The following TIMM44 variants were observed in gnomAD, a reference collection of about 807,000 sequenced individuals.
TIMM44 encodes the protein mitochondrial import inner membrane translocase subunit TIM44.
A neutral mutation model predicts 63.8 loss-of-function variants in TIMM44; 37 were observed. The observed-to-expected ratio is 0.58, with a 90% CI of 0.45 to 0.76. The LOEUF (loss-of-function observed/expected upper bound fraction) is 0.76. TIMM44 is among the 30% of genes least tolerant of loss of function. TIMM44 has a pLI of 0.00. For missense variants in TIMM44, 573 were observed against 603.8 expected (o/e 0.95, Z 0.54); for synonymous variants, 239 against 245.1 (o/e 0.98, Z 0.23).
intron 3 of TIMM44, 192 bp from the exon 4 acceptor site, chr19:7,935,337 G>C: frequency 1.7e-6 from 1 of 582,584 alleles, no homozygotes; most frequent in South Asian, 2.0e-5. Context: ...GCTAATTTTT[G>C]TATTTTCAGT....
Position 7,943,540 on chromosome 19 carries a change from A to C in TIMM44, c.45+67T>G. 2.6e-6 allele frequency: 4 copies of C among 1,524,602 alleles called. No individual in the cohort carries two copies. Among genetic ancestry groups the C allele is most frequent in the Non-Finnish European group, 2.6e-6 (3 of 1,132,146 alleles). 94.4% of individuals were successfully genotyped at this position (1,524,602 alleles called of 1,614,324 possible). A position where few individuals can be genotyped will look rare whatever the true frequency, so the allele number is the denominator to read the frequency against. On this transcript the variant is annotated intron_variant, in intron 1 of 12. Coordinates refer to ENST00000270538, the MANE Select transcript of TIMM44 (RefSeq NM_006351.4). The surrounding 1 kb of genome is among the most constrained non-coding windows in gnomAD (Gnocchi z 4.3). ...CGCGAAGGCCAAGGGTCTGAGAAGA[A>C]AGCCTTGGTGGCCGAAGGCCCAGAA... is the stretch of plus-strand genomic sequence containing the variant.
chr19:7,928,476 G>T, intron 10 of TIMM44: 1 of 411,984 alleles, frequency 2.4e-6, no homozygotes, highest in East Asian at 4.6e-5. Flanking sequence ...CGGCCCCTTG[G>T]CTGATCTTTA....
intron 9 of TIMM44, chr19:7,932,213 C>A: frequency 4.1e-6 from 1 of 244,032 alleles, no homozygotes; most frequent in East Asian, 1.1e-4. Context: ...AGGGACAGCA[C>A]CGTGAGGGAA....
At position 7,934,168 on chromosome 19, in the gene TIMM44, G is replaced by A. The variant is rs560497567; in HGVS notation, c.464C>T (p.Thr155Met). 73 of 1,613,562 alleles carry A rather than the reference G, an allele frequency of 4.5e-5. No individual in the cohort carries two copies. Among genetic ancestry groups the A allele is most frequent in the Non-Finnish European group, 5.7e-5 (67 of 1,180,002 alleles). The change falls in exon 5 of 13, where the codon ACG becomes ATG. Residue 155 changes from threonine to methionine, a missense_variant. Physicochemically the swap from Thr to Met is moderately conservative, Grantham distance 81. Coordinates refer to ENST00000270538, the MANE Select transcript of TIMM44 (RefSeq NM_006351.4). This position sits in a 1 kb window ranked among gnomAD's most constrained non-coding sequence, Gnocchi z 5.3. ...TACCGACTCGGCCGACTGCTTGGCC[G>A]TCTTGGCTGCTTCCTCCACGCCCTC... ...IKEGVEEAAK[T>M]AKQSAESVSK...
chr19:7,942,409 G>C (rs1324188660), intron 1 of TIMM44, among the ~76,000 whole-genome samples: 1 of 151,422 alleles, frequency 6.6e-6, no homozygotes. Context: ...GGGCAACATA[G>C]CTAGACCCTG....
chr19:7,932,546 C>A, intron 9 of TIMM44, 81 bp downstream of exon 9: 1 of 1,583,004 alleles, frequency 6.3e-7, no homozygotes, highest in Non-Finnish European at 8.6e-7. Flanking sequence ...CCTGGCAGCA[C>A]CCAGGGTGCC....
At position 7,938,066 on chromosome 19, in the gene TIMM44, T is replaced by C. The variant is rs1019332464; in HGVS notation, c.273A>G (p.Leu91=). 1 of 1,614,198 alleles carries C rather than the reference T, an allele frequency of 6.2e-7. No individual in the cohort carries two copies. The highest frequency in any genetic ancestry group is 2.2e-5 in the East Asian group (1 of 44,884). The change falls in exon 3 of 13, where the codon CTA becomes CTG. Residue 91 remains leucine, a synonymous_variant. Coordinates refer to ENST00000270538, the MANE Select transcript of TIMM44 (RefSeq NM_006351.4). ...CCTCCTGGAGCACGTCTGATTCTTC[T>C]AGCCTTCTGGCCTCGTCACGGAATT... ...IKKFRDEARR[L]EESDVLQEAR... is the part of the protein sequence containing the mutation.
At chr19:7,930,954 G>A (rs779681093) in intron 10 of TIMM44, among the ~76,000 whole-genome samples, 184 bp downstream of exon 10, 3 of 152,004 alleles carry the variant, frequency 2.0e-5, no homozygotes, top group Non-Finnish European at 4.4e-5. Flanking sequence ...GTCACATGCT[G>A]AGGAATGGAA....
chr19:7,938,150 C>T lies in TIMM44; in HGVS notation c.189G>A (p.Leu63=), dbSNP rs775866449. 15 of 1,613,646 alleles carry T rather than the reference C, an allele frequency of 9.3e-6. No homozygotes were observed. In the Admixed American group the frequency reaches 2.5e-4, roughly 27 times the overall value. Reference sequence around the variant, plus strand: ...CTAATTCTTGTTTGACATTATCTAGCAAGCCGGACAGAAAGCCTTTTCTGT... The same window carrying T: ...CTAATTCTTGTTTGACATTATCTAGTAAGCCGGACAGAAAGCCTTTTCTGT... ...SGNRKGFLSG[L]LDNVKQELAK... The change falls in exon 3 of 13, where the codon TTG becomes TTA. Residue 63 remains leucine (L), a synonymous_variant. Transcript: ENST00000270538.
intron 2 of TIMM44, among the ~76,000 whole-genome samples, chr19:7,939,117 G>A (rs746672803): frequency 6.6e-6 from 1 of 152,080 alleles, no homozygotes; most frequent in Non-Finnish European, 1.5e-5. Flanking sequence ...ACCACCAAGA[G>A]GGAACCGGAA....
At chr19:7,927,562 C>T (rs975282342) in intron 12 of TIMM44, 95 bp downstream of exon 12, 4 of 1,317,188 alleles carry the variant, frequency 3.0e-6, no homozygotes, top group Non-Finnish European at 4.4e-6. Flanking sequence ...CCCAGAGCTT[C>T]AGGGCTCTGA....
Position 7,934,152 on chromosome 19 carries a change from G to A in TIMM44, c.480C>T (p.Ala160=), listed in dbSNP as rs773659904. ...EEAAKTAKQS[A]ESVSKGGEKL... Reference sequence around the variant, plus strand: ...TCTCCCCGCCTTTGGATACCGACTCGGCCGACTGCTTGGCCGTCTTGGCTG... The same window carrying A: ...TCTCCCCGCCTTTGGATACCGACTCAGCCGACTGCTTGGCCGTCTTGGCTG... The change falls in exon 5 of 13, where the codon GCC becomes GCT. Residue 160 remains alanine (A), a synonymous_variant. Coordinates refer to ENST00000270538, the MANE Select transcript of TIMM44 (RefSeq NM_006351.4). This position sits in a 1 kb window ranked among gnomAD's most constrained non-coding sequence, Gnocchi z 5.3. 11 of 1,613,518 alleles carry A rather than the reference G, an allele frequency of 6.8e-6. No homozygotes were observed. Among genetic ancestry groups the A allele is most frequent in the Admixed American group, 5.0e-5 (3 of 60,030 alleles).
Position 7,928,169 on chromosome 19 carries a change from G to A in TIMM44, c.1039-3C>T, listed in dbSNP as rs1983871529. 2 of 1,612,766 alleles carry A rather than the reference G, an allele frequency of 1.2e-6. No homozygotes were observed. Among genetic ancestry groups the A allele is most frequent in the Admixed American group, 1.7e-5 (1 of 59,932 alleles). The stretch of plus-strand genomic sequence containing the variant: ...GGGTGGGCCAGCTGGCTGTAAGTCT[G>A]CAATGAGAGGCCGACACGCCTGCGT... On this transcript the variant is annotated splice_region_variant and splice_polypyrimidine_tract_variant and intron_variant, in intron 10 of 12. Transcript: ENST00000270538.
chr19:7,930,358 A>AAGT (rs1472079094), intron 10 of TIMM44, among the ~76,000 whole-genome samples: 2 of 137,300 alleles, frequency 1.5e-5, no homozygotes, highest in Admixed American at 1.5e-4. Flanking sequence ...GCCCAGGCTG[A>AAGT]AGTGCAGTGG....
At chr19:7,941,296 T>C (rs2145182291) in intron 1 of TIMM44, 99 bp from the exon 2 acceptor site, 1 of 810,772 alleles carries the variant, frequency 1.2e-6, no homozygotes. Context: ...TGCAACTCAC[T>C]GGCCATTTTT....
chr19:7,927,593 G>C, intron 12 of TIMM44, 64 bp downstream of exon 12: 1 of 1,492,360 alleles, frequency 6.7e-7, no homozygotes, highest in Non-Finnish European at 9.3e-7. Flanking sequence ...CTGCCAGGTG[G>C]CCACACACAG....
At chr19:7,931,435 C>T (rs2145173849) in intron 9 of TIMM44, 1 of 532,212 alleles carries the variant, frequency 1.9e-6, no homozygotes, top group Admixed American at 3.2e-5. Context: ...ACCCAGGAGG[C>T]ACCCCACAGG....
In TIMM44 at chr19:7,928,083, G is replaced by A. The variant is rs1306588342; in HGVS notation, c.1122C>T (p.Asn374=). Residue 374 remains asparagine (N), a synonymous_variant, in exon 11 of 13, where the codon AAC becomes AAT. Coordinates refer to ENST00000270538, the MANE Select transcript of TIMM44 (RefSeq NM_006351.4). ...QFHSRILDID[N]VDLAMGKMME... The stretch of plus-strand genomic sequence containing the variant: ...CCCACTGCGAGGTGCTTACGTCGAC[G>A]TTGTCAATGTCTAGGATGCGAGAAT... 15 of 1,613,714 alleles carry A rather than the reference G, an allele frequency of 9.3e-6. No homozygotes were observed. The highest frequency in any genetic ancestry group is 1.7e-5 in the Admixed American group (1 of 59,994).
intron 11 of TIMM44, 107 bp downstream of exon 11, chr19:7,927,970 G>C: frequency 2.4e-6 from 3 of 1,232,882 alleles, no homozygotes; most frequent in Non-Finnish European, 3.5e-6. Context: ...AGACCTCTTG[G>C]ATCAGCCCAT....
Sources: allele counts gnomAD v4.1 joint callset (sites outside exome capture counted in the v4.1 genomes callset), GRCh38; gene constraint gnomAD v4.1.1; non-coding constraint Gnocchi (gnomAD v3.1); transcripts MANE v1.5; gene names NCBI Gene and HGNC (gene_info 2026-07-23, HGNC 2026-07-21).